The following SCN3A variants were observed in gnomAD, a reference collection of about 807,000 sequenced individuals.
The protein encoded by SCN3A is sodium channel protein type 3 subunit alpha.
Under a neutral mutation model 187.6 loss-of-function variants are expected in SCN3A, and 60 were observed. The ratio of observed to expected loss-of-function variants is 0.32; its 90% confidence interval spans 0.26 to 0.40. SCN3A has a LOEUF of 0.40. Ranked by LOEUF, SCN3A falls within the 10% of genes least tolerant of loss-of-function variation. The pLI, the probability that SCN3A is intolerant of heterozygous loss-of-function variation, is 1.00. For synonymous variants in SCN3A, 788 were observed against 829.2 expected (o/e 0.95, Z 0.85); for missense variants, 1,601 against 2,428.2 (o/e 0.66, Z 7.16).
intron 11 of SCN3A, among the ~76,000 whole-genome samples, chr2:165,147,871 G>T (rs771792765): frequency 9.9e-5 from 15 of 152,098 alleles, no homozygotes; most frequent in Non-Finnish European, 2.2e-4. Flanking sequence ...GACTGGAAAT[G>T]ATCTAACAAT....
intron 2 of SCN3A, among the ~76,000 whole-genome samples, chr2:165,185,785 C>A (rs1691191186): frequency 1.3e-5 from 2 of 152,074 alleles, no homozygotes; most frequent in Admixed American, 1.3e-4. Flanking sequence ...TTGGTCAGTT[C>A]AAAAACTTGA....
In SCN3A at chr2:165,144,863, GC is replaced by G. The variant is rs773068541; in HGVS notation, c.1671+1875del. ...TTGAACTATGCTTGCTACATAGTTG[GC>G]GATCAATAAATATTTGTTGATTGGA... On this transcript the variant is annotated intron_variant, in intron 12 of 27. Coordinates refer to ENST00000283254, the MANE Select transcript of SCN3A (RefSeq NM_006922.4). Among the ~76,000 whole-genome samples the G allele has an allele frequency of 6.6e-5, 10 of 152,190 alleles. No homozygotes were observed. In the South Asian group the frequency reaches 8.3e-4, roughly 13 times the overall value.
chr2:165,160,574 A>G (rs1460903850), intron 9 of SCN3A, among the ~76,000 whole-genome samples: 2 of 152,160 alleles, frequency 1.3e-5, no homozygotes, highest in African/African-American at 4.8e-5. Context: ...TCATCATCAT[A>G]ATAAATAATA....
chr2:165,096,715 T>G (rs1325547697), intron 23 of SCN3A, among the ~76,000 whole-genome samples, 195 bp from the exon 24 acceptor site: 2 of 152,190 alleles, frequency 1.3e-5, no homozygotes, highest in Non-Finnish European at 2.9e-5. Flanking sequence ...CTTTTTTTTC[T>G]TGAAAGTATT....
chr2:165,179,469 T>A lies in SCN3A; in HGVS notation c.-50-3025A>T, dbSNP rs1690697264. The A allele has an allele frequency of 2.0e-5, 3 of 152,358 alleles. No homozygotes were observed. The South Asian group carries it at 6.2e-4, about 32-fold the overall frequency. The allele number at this position is 152,358 out of a possible 1,614,324, so 9.4% of individuals were successfully genotyped here. ...AAATCACCGAGTAATTTTCACAAAT[T>A]ATTCTGATTTATCTGAGATGATATG... On this transcript the variant is annotated intron_variant, in intron 2 of 27. Transcript: ENST00000283254.
rs1461211195 is a variant in SCN3A, at chr2:165,090,471, A to C, written c.5682T>G (p.Thr1894=). Residue 1894 remains threonine, a synonymous_variant, in exon 28 of 28, where the codon ACT becomes ACG. Coordinates refer to ENST00000283254, the MANE Select transcript of SCN3A (RefSeq NM_006922.4). This position sits in a 1 kb window ranked among gnomAD's most constrained non-coding sequence, Gnocchi z 4.0. ...ACACCTCCTCTTGTTTACGTTTCAA[A>C]GTGGTTGTAATAGGCTCATAAGAGA... The part of the protein sequence containing the change: ...SKVSYEPITT[T]LKRKQEEVSA... 1 of 1,614,030 alleles carries C rather than the reference A, an allele frequency of 6.2e-7. No individual in the cohort carries two copies. Among genetic ancestry groups the C allele is most frequent in the South Asian group, 1.1e-5 (1 of 91,084 alleles).
chr2:165,145,999 G>C (rs1350542370), intron 12 of SCN3A, among the ~76,000 whole-genome samples: 1 of 152,040 alleles, frequency 6.6e-6, no homozygotes, highest in African/African-American at 2.4e-5. Context: ...ATTGAAACTA[G>C]TTTTTACTCT....
At chr2:165,117,535 A>G (rs1367978101) in intron 18 of SCN3A, among the ~76,000 whole-genome samples, 1 of 152,144 alleles carries the variant, frequency 6.6e-6, no homozygotes, top group African/African-American at 2.4e-5. Context: ...ATAGACACAT[A>G]TATATACCAA....
In SCN3A at chr2:165,164,003, C is replaced by T. The variant is rs568238366; in HGVS notation, c.603-294G>A. ...CCTGTGAGTTTAACAAATGGAATTGCTATAGACCTCAGGCTGCCATATGCT... is the reference window on the plus strand; with the variant it reads ...CCTGTGAGTTTAACAAATGGAATTGTTATAGACCTCAGGCTGCCATATGCT... On this transcript the variant is annotated intron_variant, in intron 6 of 27. Coordinates refer to ENST00000283254, the MANE Select transcript of SCN3A (RefSeq NM_006922.4). 7 of 982,044 alleles carry T rather than the reference C, an allele frequency of 7.1e-6. No individual in the cohort carries two copies. In the South Asian group the frequency reaches 1.0e-4, roughly 14 times the overall value. 60.8% of individuals were successfully genotyped at this position (982,044 alleles called of 1,614,324 possible). A position where few individuals can be genotyped will look rare whatever the true frequency, so the allele number is the denominator to read the frequency against.
chr2:165,117,117 T>C (rs1274406650), intron 18 of SCN3A, among the ~76,000 whole-genome samples: 1 of 152,084 alleles, frequency 6.6e-6, no homozygotes, highest in East Asian at 1.9e-4. Flanking sequence ...TAGCAGCTTC[T>C]GGTGTAACTA....
In SCN3A at chr2:165,100,443, A is replaced by G; in HGVS notation, c.3844-19T>C. 1.9e-6 allele frequency: 3 copies of G among 1,611,318 alleles called. No individual in the cohort carries two copies. The highest frequency in any genetic ancestry group is 8.5e-7 in the Non-Finnish European group (1 of 1,178,040). ...AAGAAACCTACAAAAGGAAAAAAAA[A>G]TTAATTAGTTCACCAAGAAATAAAC... On this transcript the variant is annotated intron_variant, in intron 21 of 27. Coordinates refer to ENST00000283254, the MANE Select transcript of SCN3A (RefSeq NM_006922.4).
Position 165,146,831 on chromosome 2 carries a change from C to T in SCN3A, c.1579G>A (p.Glu527Lys), listed in dbSNP as rs749133387. ...KGERDSFPKS[E>K]SEDSVKRSSF... is the part of the protein sequence containing the mutation. ...CTTCTTTTGACGCTGTCTTCAGATT[C>T]GGATTTGGGAAAGCTGTCTCTCTCT... is the stretch of plus-strand genomic sequence containing the variant. The change falls in exon 12 of 28, where the codon GAA becomes AAA. Residue 527 changes from glutamate to lysine, a missense_variant. Transcript: ENST00000283254. 1.5e-5 allele frequency: 25 copies of T among 1,614,050 alleles called. No homozygotes were observed. The highest frequency in any genetic ancestry group is 3.3e-4 in the Middle Eastern group (2 of 6,060).
At chr2:165,093,864 G>A (rs1685231631) in intron 26 of SCN3A, 1 of 157,366 alleles carries the variant, frequency 6.4e-6, no homozygotes, top group Admixed American at 6.1e-5. Flanking sequence ...AACATAATCT[G>A]TCATTATTAC....
intron 11 of SCN3A, among the ~76,000 whole-genome samples, chr2:165,147,283 TG>T (rs138549123): frequency 0.16 from 21,317 of 129,748 alleles, 2,107 homozygotes; most frequent in East Asian, 0.5. Flanking sequence ...GTCTTTTTTT[TG>T]GGGGGGGGGG....
chr2:165,162,898 C>T, intron 7 of SCN3A, 70 bp from the exon 8 acceptor site: 2 of 1,551,466 alleles, frequency 1.3e-6, no homozygotes, highest in Middle Eastern at 1.7e-4. Context: ...TAGTCACACA[C>T]ATTCTCTTTC....
intron 18 of SCN3A, among the ~76,000 whole-genome samples, chr2:165,117,221 C>T (rs946026717): frequency 6.6e-6 from 1 of 151,970 alleles, no homozygotes; most frequent in Non-Finnish European, 1.5e-5. Flanking sequence ...TGATGAGTGA[C>T]AGCTATTAAT....
intron 2 of SCN3A, among the ~76,000 whole-genome samples, chr2:165,178,092 G>T (rs1202850896): frequency 6.6e-6 from 1 of 152,024 alleles, no homozygotes; most frequent in Non-Finnish European, 1.5e-5. Flanking sequence ...AGAAGCTCTG[G>T]ATCTATTAAT....
At chr2:165,143,932 T>C (rs956005734) in intron 12 of SCN3A, among the ~76,000 whole-genome samples, 1 of 152,200 alleles carries the variant, frequency 6.6e-6, no homozygotes, top group African/African-American at 2.4e-5. Context: ...TTGTCAGAAG[T>C]ACTTAGCATT....
intron 2 of SCN3A, among the ~76,000 whole-genome samples, 182 bp downstream of exon 2, chr2:165,186,369 A>C (rs74678583): frequency 0.011 from 1,730 of 152,248 alleles, 27 homozygotes; most frequent in Middle Eastern, 0.041. Flanking sequence ...CCATTCCCTA[A>C]GGTCATCTGT....
Sources: allele counts gnomAD v4.1 joint callset (sites outside exome capture counted in the v4.1 genomes callset), GRCh38; gene constraint gnomAD v4.1.1; non-coding constraint Gnocchi (gnomAD v3.1); transcripts MANE v1.5; gene names NCBI Gene and HGNC (gene_info 2026-07-23, HGNC 2026-07-21).